The following STX16 variants were observed in gnomAD, a reference collection of about 807,000 sequenced individuals.
The protein encoded by STX16 is syntaxin-16.
In STX16, 28 loss-of-function variants were observed where a neutral mutation model predicts 42.7. The ratio of observed to expected loss-of-function variants is 0.66; its 90% confidence interval spans 0.49 to 0.90. The LOEUF is 0.90. Among genes scored for constraint, STX16 ranks in the 40% least tolerant of loss-of-function variants. The pLI is 0.00. For synonymous variants in STX16, 156 were observed against 155.2 expected (o/e 1.00, Z -0.04); for missense variants, 361 against 420.9 (o/e 0.86, Z 1.24).
chr20:58,663,765 C>T (rs1457951263), intron 2 of STX16, among the ~76,000 whole-genome samples: 1 of 152,138 alleles, frequency 6.6e-6, no homozygotes, highest in Admixed American at 6.5e-5. Flanking sequence ...GCAACTTCTG[C>T]CTTCCGGGTT....
At chr20:58,670,919 G>A (rs969339837) in intron 6 of STX16, among the ~76,000 whole-genome samples, 1 of 152,200 alleles carries the variant, frequency 6.6e-6, no homozygotes, top group African/African-American at 2.4e-5. Context: ...GTTGGCAGAC[G>A]TGGGCTTCTG....
In STX16 at chr20:58,677,668, T is replaced by A. The variant is rs2084164135; in HGVS notation, c.*1377T>A. ...TTGTTTTTGCTTCTCTTAAAAAGTT[T>A]AAGAAGAATATGACCTCATTAAATG... is the stretch of plus-strand genomic sequence containing the variant. On this transcript the variant is annotated 3_prime_UTR_variant, in exon 9 of 9. Transcript: ENST00000371141. 6.6e-6 allele frequency: 1 copy of A among 152,252 alleles called. No individual in the cohort carries two copies. The highest frequency in any genetic ancestry group is 1.9e-4 in the East Asian group (1 of 5,206). 9.4% of individuals were successfully genotyped at this position (152,252 alleles called of 1,614,324 possible).
chr20:58,677,186 C>G lies in STX16; in HGVS notation c.*895C>G, dbSNP rs1279069925. 2 of 152,658 alleles carry G rather than the reference C, an allele frequency of 1.3e-5. No individual in the cohort carries two copies. The highest frequency in any genetic ancestry group is 2.4e-5 in the African/African-American group (1 of 41,444). The allele number at this position is 152,658 out of a possible 1,614,324, so 9.5% of individuals were successfully genotyped here. A position where few individuals can be genotyped will look rare whatever the true frequency, so the allele number is the denominator to read the frequency against. ...CCTTGCTCAATCCATTACTTATATA[C>G]TAACTACATAATGACCTGTTCAAAC... On this transcript the variant is annotated 3_prime_UTR_variant, in exon 9 of 9. Coordinates refer to ENST00000371141, the MANE Select transcript of STX16 (RefSeq NM_001001433.3).
intron 8 of STX16, among the ~76,000 whole-genome samples, chr20:58,675,051 A>G (rs2123023865): frequency 6.6e-6 from 1 of 152,292 alleles, no homozygotes; most frequent in Middle Eastern, 3.4e-3. Context: ...TAGAAAAGTC[A>G]GCGTGCTCCA....
At chr20:58,670,436 A>C in intron 5 of STX16, 76 bp from the exon 6 acceptor site, 1 of 1,202,608 alleles carries the variant, frequency 8.3e-7, no homozygotes, top group Non-Finnish European at 1.2e-6. Flanking sequence ...TTACTCTAGA[A>C]TTCCCCCTTT....
intron 8 of STX16, among the ~76,000 whole-genome samples, chr20:58,675,651 C>T (rs2084096281): frequency 1.3e-5 from 2 of 152,184 alleles, no homozygotes; most frequent in South Asian, 2.1e-4. Flanking sequence ...CCATGGGGCA[C>T]ACGTGTCTGT....
chr20:58,669,223 G>A (rs1862067121), intron 4 of STX16, 68 bp from the exon 5 acceptor site: 1 of 1,542,604 alleles, frequency 6.5e-7, no homozygotes, highest in Non-Finnish European at 8.8e-7. Flanking sequence ...TCTGGCTTGT[G>A]ATGTGGCAGT....
At chr20:58,675,657 T>G (rs1208549109) in intron 8 of STX16, among the ~76,000 whole-genome samples, 1 of 152,104 alleles carries the variant, frequency 6.6e-6, no homozygotes, top group African/African-American at 2.4e-5. Context: ...GGCACACGTG[T>G]CTGTTTTTAT....
At chr20:58,674,366 T>C (rs984049453) in intron 8 of STX16, among the ~76,000 whole-genome samples, 6 of 152,244 alleles carry the variant, frequency 3.9e-5, no homozygotes, top group African/African-American at 1.4e-4. Context: ...CATAAACGGC[T>C]GAGACTCTCA....
intron 8 of STX16, among the ~76,000 whole-genome samples, 194 bp from the exon 9 acceptor site, chr20:58,675,993 C>G (rs145444721): frequency 7.9e-5 from 12 of 152,224 alleles, no homozygotes; most frequent in African/African-American, 2.6e-4. Context: ...TAAGCAGCAC[C>G]AGGATCATGG....
chr20:58,658,554 T>C (rs1318129908), intron 1 of STX16, among the ~76,000 whole-genome samples: 5 of 152,202 alleles, frequency 3.3e-5, no homozygotes, highest in Non-Finnish European at 7.4e-5. Flanking sequence ...TTTAATAATA[T>C]TTTGACCCTG....
At chr20:58,658,997 G>A (rs1238317688) in intron 1 of STX16, among the ~76,000 whole-genome samples, 2 of 152,066 alleles carry the variant, frequency 1.3e-5, no homozygotes, top group African/African-American at 2.4e-5. Context: ...GTCTCTCTCC[G>A]GGAAAGAGTG....
In STX16 at chr20:58,669,415, C is replaced by T. The variant is rs1324157651; in HGVS notation, c.518C>T (p.Ser173Phe). 1 of 1,612,082 alleles carries T rather than the reference C, an allele frequency of 6.2e-7. No homozygotes were observed. Among genetic ancestry groups the T allele is most frequent in the Non-Finnish European group, 8.5e-7 (1 of 1,179,480 alleles). ...ASLAQALQEL[S>F]TSFRHAQSGY... is the part of the protein sequence containing the mutation. ...CTGGCGCAGGCCCTGCAGGAACTCT[C>T]CACCAGCTTCCGGCACGCACAGTCA... Residue 173 changes from serine (S) to phenylalanine (F), a missense_variant, in exon 5 of 9, where the codon TCC becomes TTC. Ser to Phe is a radical substitution (Grantham distance 155, BLOSUM62 -2). Coordinates refer to ENST00000371141, the MANE Select transcript of STX16 (RefSeq NM_001001433.3).
chr20:58,668,093 A>G lies in STX16; in HGVS notation c.359A>G (p.His120Arg), dbSNP rs1568823632. ...PTLDDSSEEE[H>R]AIEITTQEIT... ...CTGGATGACAGCAGCGAAGAGGAAC[A>G]TGCCATTGAGATAACTACCCAAGAG... Residue 120 changes from histidine to arginine, a missense_variant, in exon 4 of 9, where the codon CAT becomes CGT. Coordinates refer to ENST00000371141, the MANE Select transcript of STX16 (RefSeq NM_001001433.3). 1 of 1,614,260 alleles carries G rather than the reference A, an allele frequency of 6.2e-7. No individual in the cohort carries two copies. The highest frequency in any genetic ancestry group is 8.5e-7 in the Non-Finnish European group (1 of 1,180,044).
At chr20:58,655,887 A>C (rs1478885961) in intron 1 of STX16, among the ~76,000 whole-genome samples, 1 of 152,204 alleles carries the variant, frequency 6.6e-6, no homozygotes, top group Non-Finnish European at 1.5e-5. Context: ...AGTTGTATTA[A>C]AGTTAGTAAA....
At chr20:58,664,486 T>C (rs928998969) in intron 2 of STX16, among the ~76,000 whole-genome samples, 4 of 152,250 alleles carry the variant, frequency 2.6e-5, no homozygotes, top group African/African-American at 9.6e-5. Flanking sequence ...AAAACTCTGA[T>C]ACAATGTGTG....
chr20:58,671,437 GGTGT>G (rs540390363), intron 7 of STX16, 140 bp downstream of exon 7: 7,780 of 223,134 alleles, frequency 0.035, 68 homozygotes, highest in Non-Finnish European at 0.045. Flanking sequence ...TGTGTGTGTG[GGTGT>G]GTGTGTGTGT....
chr20:58,669,399 G>T lies in STX16; in HGVS notation c.502G>T (p.Ala168Ser), dbSNP rs760942325. The T allele has an allele frequency of 6.2e-7, 1 of 1,612,532 alleles. No individual in the cohort carries two copies. The highest frequency in any genetic ancestry group is 8.5e-7 in the Non-Finnish European group (1 of 1,179,658). ...GAACGTGGTGGCCTCGCTGGCGCAG[G>T]CCCTGCAGGAACTCTCCACCAGCTT... ...LGNVVASLAQ[A>S]LQELSTSFRH... Residue 168 changes from alanine (A) to serine (S), a missense_variant, in exon 5 of 9, where the codon GCC becomes TCC. Transcript: ENST00000371141.
rs187334179 is a variant in STX16 at position 58,667,010 on chromosome 20, G to C, written c.145-480G>C. ...TGGATCAGCCCTATTTCCAAAATAAGCTAAGTGTATTTAAGTAAACCTTGC... is the reference window on the plus strand; with the variant it reads ...TGGATCAGCCCTATTTCCAAAATAACCTAAGTGTATTTAAGTAAACCTTGC... On this transcript the variant is annotated intron_variant, in intron 2 of 8. Coordinates refer to ENST00000371141, the MANE Select transcript of STX16 (RefSeq NM_001001433.3). Among the ~76,000 whole-genome samples the C allele has an allele frequency of 3.3e-5, 5 of 152,216 alleles. No individual in the cohort carries two copies. The East Asian group carries it at 7.7e-4, about 23-fold the overall frequency.
Sources: allele counts gnomAD v4.1 joint callset (sites outside exome capture counted in the v4.1 genomes callset), GRCh38; gene constraint gnomAD v4.1.1; transcripts MANE v1.5; gene names NCBI Gene and HGNC (gene_info 2026-07-23, HGNC 2026-07-21).